The following AMZ1 variants were observed in gnomAD, a reference collection of about 807,000 sequenced individuals.
AMZ1 encodes the protein archaelysin family metallopeptidase 1.
A neutral mutation model predicts 29.9 loss-of-function variants in AMZ1; 39 were observed. The ratio of observed to expected loss-of-function variants is 1.30; its 90% CI spans 1.01 to 1.70. The LOEUF is 1.70. Ranked by LOEUF, AMZ1 falls within the 40% of genes most tolerant of loss-of-function variation. The probability of loss-of-function intolerance (pLI) is 0.00; values close to 1 mark genes in which losing one functional copy is unlikely to be tolerated. For synonymous variants in AMZ1, 458 were observed against 304.0 expected (o/e 1.51, Z -5.27); for missense variants, 1,041 against 680.6 (o/e 1.53, Z -5.89).
chr7:2,762,769 C>CATCTT, upstream of AMZ1: 1 of 1,547,816 alleles, frequency 6.5e-7, no homozygotes, highest in Non-Finnish European at 8.7e-7. Flanking sequence ...CCGTCCTTTC[C>CATCTT]ACCCAGGCTG....
intron 6 of AMZ1, among the ~76,000 whole-genome samples, chr7:2,710,274 CTG>C (rs1157014069): frequency 6.6e-6 from 1 of 152,252 alleles, no homozygotes; most frequent in African/African-American, 2.4e-5. Context: ...CTAACTCCCT[CTG>C]TCGCCTGGGT....
chr7:2,708,121 C>A (rs1051246184), intron 3 of AMZ1, among the ~76,000 whole-genome samples: 1 of 152,174 alleles, frequency 6.6e-6, no homozygotes, highest in Non-Finnish European at 1.5e-5. Flanking sequence ...CTGTGCCCGG[C>A]CTTACCGAGG....
chr7:2,709,343 T>A, intron 5 of AMZ1, 99 bp downstream of exon 5: 1 of 1,235,884 alleles, frequency 8.1e-7, no homozygotes, highest in Non-Finnish European at 1.1e-6. Context: ...CACAGTGAAG[T>A]GGATGGACCC....
At chr7:2,701,611 C>G (rs1788058585) in intron 2 of AMZ1, among the ~76,000 whole-genome samples, 1 of 152,228 alleles carries the variant, frequency 6.6e-6, no homozygotes, top group Non-Finnish European at 1.5e-5. Flanking sequence ...GTGCCTCTCA[C>G]ATGCCAAGAG....
chr7:2,739,975 C>T (rs1348281593), intron 4 of AMZ1, among the ~76,000 whole-genome samples: 1 of 152,084 alleles, frequency 6.6e-6, no homozygotes, highest in Non-Finnish European at 1.5e-5. Flanking sequence ...GCCCGGCAGT[C>T]CTTTGGTAAT....
In AMZ1 at chr7:2,718,927, G is replaced by A. The variant is rs1178910664; in HGVS notation, c.*6049G>A. Among the ~76,000 whole-genome samples the A allele has an allele frequency of 6.6e-6, 1 of 152,208 alleles. No homozygotes were observed. Among genetic ancestry groups the A allele is most frequent in the African/African-American group, 2.4e-5 (1 of 41,450 alleles). ...TTCTCAGGGTCGCTTAACACAGGCAGGGGTACAGGAGAGCTCCGGCCATTT... is the reference window on the plus strand; with the variant it reads ...TTCTCAGGGTCGCTTAACACAGGCAAGGGTACAGGAGAGCTCCGGCCATTT... On this transcript the variant is annotated 3_prime_UTR_variant, in exon 7 of 7. Transcript: ENST00000683327.
intron 1 of AMZ1, among the ~76,000 whole-genome samples, chr7:2,680,239 G>GTGC (rs1786834645): frequency 6.6e-6 from 1 of 152,136 alleles, no homozygotes; most frequent in East Asian, 1.9e-4. Context: ...GAAGGTCTGG[G>GTGC]TGCTGGTGGC....
chr7:2,711,557 AT>A (rs1353758396), intron 6 of AMZ1, among the ~76,000 whole-genome samples: 5 of 152,136 alleles, frequency 3.3e-5, no homozygotes, highest in African/African-American at 9.7e-5. Context: ...TGGAGAAAAC[AT>A]TTAGGAAGTG....
At chr7:2,749,508 T>C (rs1009558416) in intron 4 of AMZ1, among the ~76,000 whole-genome samples, 2 of 136,534 alleles carry the variant, frequency 1.5e-5, no homozygotes, top group Admixed American at 7.4e-5. Flanking sequence ...CCGGGGACTA[T>C]TGTGGGGTAG....
intron 3 of AMZ1, among the ~76,000 whole-genome samples, chr7:2,707,402 A>C (rs1203951009): frequency 6.6e-6 from 1 of 151,898 alleles, no homozygotes; most frequent in Non-Finnish European, 1.5e-5. Flanking sequence ...CCTCTTCTCT[A>C]CACTAACTCT....
At chr7:2,738,038 A>G (rs565732005) in intron 4 of AMZ1, among the ~76,000 whole-genome samples, 13 of 152,282 alleles carry the variant, frequency 8.5e-5, no homozygotes, top group Non-Finnish European at 1.9e-4. Context: ...GAGATACAAC[A>G]CCACATTCAT....
intron 4 of AMZ1, among the ~76,000 whole-genome samples, chr7:2,726,954 C>T (rs1196245726): frequency 6.6e-6 from 1 of 152,228 alleles, no homozygotes; most frequent in African/African-American, 2.4e-5. Flanking sequence ...AAGGTCCTTC[C>T]CCTCCCAGCT....
At chr7:2,754,373 T>C (rs1350856581) in intron 4 of AMZ1, among the ~76,000 whole-genome samples, 1 of 152,160 alleles carries the variant, frequency 6.6e-6, no homozygotes, top group Non-Finnish European at 1.5e-5. Context: ...GTTTTCTAGA[T>C]AATGAGTCCT....
At chr7:2,736,925 C>A (rs1348003126) in intron 4 of AMZ1, among the ~76,000 whole-genome samples, 1 of 152,246 alleles carries the variant, frequency 6.6e-6, no homozygotes, top group Non-Finnish European at 1.5e-5. Flanking sequence ...CAACCCTGCA[C>A]AGGACCAGAC....
At chr7:2,750,139 G>A (rs189301355) in intron 4 of AMZ1, among the ~76,000 whole-genome samples, 3 of 152,302 alleles carry the variant, frequency 2.0e-5, no homozygotes, top group African/African-American at 7.2e-5. Flanking sequence ...AAAGAAGTCA[G>A]ACTCTCCGGT....
At chr7:2,763,809 G>A (rs1425313207), upstream of AMZ1, among the ~76,000 whole-genome samples, 1 of 152,184 alleles carries the variant, frequency 6.6e-6, no homozygotes, top group Admixed American at 6.5e-5. Context: ...CTGGGCAGGC[G>A]AGGCCGGGAC....
rs1347412855 is a variant in AMZ1, at chr7:2,713,821, CTG to C, written c.*946_*947del. The C allele has an allele frequency of 6.6e-6, 1 of 152,368 alleles. No homozygotes were observed. Among genetic ancestry groups the C allele is most frequent in the African/African-American group, 2.4e-5 (1 of 41,452 alleles). 9.4% of individuals were successfully genotyped at this position (152,368 alleles called of 1,614,324 possible). A position where few individuals can be genotyped will look rare whatever the true frequency, so the allele number is the denominator to read the frequency against. ...TACAGCTCACCGTGGGGAAGATCAA[CTG>C]TGGTGATGTTTTTGGGACAGTTTCT... On this transcript the variant is annotated 3_prime_UTR_variant, in exon 7 of 7. Transcript: ENST00000683327.
Position 2,715,152 on chromosome 7 carries a change from C to G in AMZ1, c.*2274C>G, listed in dbSNP as rs1162391341. On this transcript the variant is annotated 3_prime_UTR_variant, in exon 7 of 7. Coordinates refer to ENST00000683327, the MANE Select transcript of AMZ1 (RefSeq NM_001384743.1). ...TCAGATGGAAGCTCTGTGGCCTTTC[C>G]TAACTCGGCCTCACGTCACAGAGCG... 1 of 152,230 alleles carries G rather than the reference C, an allele frequency of 6.6e-6. No homozygotes were observed. 9.4% of individuals were successfully genotyped at this position (152,230 alleles called of 1,614,324 possible).
At chr7:2,762,838 G>GCGGCTCCGAAGCAGGAGAGGGC (rs1791629684), upstream of AMZ1, 3 of 1,494,822 alleles carry the variant, frequency 2.0e-6, no homozygotes, top group East Asian at 2.6e-5. Context: ...CCCAGTCAGC[G>GCGGCTCCGAAGCAGGAGAGGGC]CGGCTCCGAA....
Sources: allele counts gnomAD v4.1 joint callset (sites outside exome capture counted in the v4.1 genomes callset), GRCh38; gene constraint gnomAD v4.1.1; transcripts MANE v1.5; gene names NCBI Gene and HGNC (gene_info 2026-07-23, HGNC 2026-07-21).